CSMD2: variants seen among roughly 807,000 people sequenced by gnomAD.
The protein encoded by CSMD2 is CUB and Sushi multiple domains 2, also known as CUB and sushi domain-containing protein 2.
A neutral mutation model predicts 398.5 loss-of-function variants in CSMD2; 130 were observed. That is an observed-to-expected ratio of 0.33 (90% CI 0.28 to 0.38). The LOEUF is 0.38. Among genes scored for constraint, CSMD2 ranks in the 10% least tolerant of loss-of-function variants. The probability of loss-of-function intolerance (pLI) is 1.00; values close to 1 mark genes in which losing one functional copy is unlikely to be tolerated. For missense variants in CSMD2, 3,829 were observed against 4,764.9 expected (o/e 0.80, Z 5.78); for synonymous variants, 1,828 against 1,908.5 (o/e 0.96, Z 1.10).
rs1328708416 is a variant in CSMD2 at position 33,935,967 on chromosome 1, A to T, written c.518-13T>A. On this transcript the variant is annotated splice_polypyrimidine_tract_variant and intron_variant, in intron 3 of 70. Coordinates refer to ENST00000373381, the MANE Select transcript of CSMD2 (RefSeq NM_001281956.2). ...TGGCTGGGGAGAACTGTGAGGAGAA[A>T]CAGAGAAAGAGACGGGTACCCCGTG... The T allele has an allele frequency of 3.1e-6, 5 of 1,598,002 alleles. No individual in the cohort carries two copies.
chr1:33,811,797 C>T (rs533317112), intron 9 of CSMD2, among the ~76,000 whole-genome samples: 8 of 152,310 alleles, frequency 5.3e-5, no homozygotes, highest in East Asian at 3.9e-4. Context: ...CATTCTTTAA[C>T]GTTAGTGTTC....
intron 36 of CSMD2, among the ~76,000 whole-genome samples, chr1:33,622,888 T>C (rs1413534283): frequency 1.3e-5 from 2 of 152,262 alleles, no homozygotes; most frequent in East Asian, 3.9e-4. Flanking sequence ...TGCATGAGCA[T>C]TATTCATAAC....
At chr1:33,730,872 T>A (rs983445924) in intron 15 of CSMD2, among the ~76,000 whole-genome samples, 1 of 152,198 alleles carries the variant, frequency 6.6e-6, no homozygotes, top group African/African-American at 2.4e-5. Flanking sequence ...AACTGTTTCC[T>A]AGCTGTGTTC....
chr1:33,714,031 G>C (rs1249604850), intron 21 of CSMD2, among the ~76,000 whole-genome samples: 2 of 152,194 alleles, frequency 1.3e-5, no homozygotes, highest in Non-Finnish European at 2.9e-5. Context: ...GCAGATGCCT[G>C]AGATGTAGTG....
chr1:33,689,265 T>A (rs566751338), intron 25 of CSMD2, among the ~76,000 whole-genome samples: 1 of 152,318 alleles, frequency 6.6e-6, no homozygotes. Context: ...TCTCCATCTT[T>A]CTGCAGCTCT....
intron 60 of CSMD2, among the ~76,000 whole-genome samples, chr1:33,540,263 T>TA (rs138481254): frequency 0.27 from 39,705 of 145,848 alleles, 5,375 homozygotes; most frequent in East Asian, 0.36. Flanking sequence ...ACCCTTCAGG[T>TA]AAAAAAAAAA....
chr1:33,933,629 G>A (rs1205305199), intron 4 of CSMD2, among the ~76,000 whole-genome samples: 1 of 152,140 alleles, frequency 6.6e-6, no homozygotes, highest in Non-Finnish European at 1.5e-5. Context: ...GGCAGGGGGT[G>A]GGTAAGGATG....
intron 1 of CSMD2, among the ~76,000 whole-genome samples, chr1:34,134,328 T>G (rs780285778): frequency 6.6e-6 from 1 of 152,184 alleles, no homozygotes; most frequent in Non-Finnish European, 1.5e-5. Context: ...CTGACAGGCC[T>G]AGGGGATAAA....
chr1:33,935,400 G>A (rs1008595911), intron 4 of CSMD2, among the ~76,000 whole-genome samples: 2 of 152,158 alleles, frequency 1.3e-5, no homozygotes, highest in Non-Finnish European at 2.9e-5. Context: ...AGGTCAGTAC[G>A]AAAGCTGTTG....
At chr1:33,970,567 A>C (rs965659936) in intron 3 of CSMD2, among the ~76,000 whole-genome samples, 2 of 152,178 alleles carry the variant, frequency 1.3e-5, no homozygotes, top group Non-Finnish European at 2.9e-5. Context: ...CTGGCAGGAA[A>C]GATCAGATGC....
At chr1:33,612,329 G>A (rs1439814648) in intron 40 of CSMD2, among the ~76,000 whole-genome samples, 1 of 152,162 alleles carries the variant, frequency 6.6e-6, no homozygotes, top group Non-Finnish European at 1.5e-5. Flanking sequence ...ATAAAGACTC[G>A]ACACTTAATG....
chr1:33,652,942 A>G (rs1193516613), intron 27 of CSMD2, among the ~76,000 whole-genome samples: 1 of 152,058 alleles, frequency 6.6e-6, no homozygotes, highest in Non-Finnish European at 1.5e-5. Flanking sequence ...TATTTTTAGT[A>G]GATACAGGGT....
At chr1:33,524,745 A>G (rs945519248) in intron 66 of CSMD2, 137 bp downstream of exon 66, 6 of 768,966 alleles carry the variant, frequency 7.8e-6, no homozygotes, top group Non-Finnish European at 1.2e-5. Flanking sequence ...AAAGATGAAT[A>G]GACACTTCCT....
intron 1 of CSMD2, among the ~76,000 whole-genome samples, chr1:34,147,943 C>G (rs1639936259): frequency 6.6e-6 from 1 of 152,076 alleles, no homozygotes; most frequent in Non-Finnish European, 1.5e-5. Context: ...ATGAGAATGG[C>G]CCCAGGACAG....
chr1:33,732,183 A>G (rs552650197), intron 15 of CSMD2, among the ~76,000 whole-genome samples: 1 of 152,352 alleles, frequency 6.6e-6, no homozygotes, highest in Non-Finnish European at 1.5e-5. Context: ...TCTCTTGAAC[A>G]GGGAGAAGAG....
chr1:33,971,779 G>C (rs1314422152), intron 3 of CSMD2, among the ~76,000 whole-genome samples: 1 of 152,176 alleles, frequency 6.6e-6, no homozygotes, highest in Non-Finnish European at 1.5e-5. Flanking sequence ...AATTCTACCT[G>C]ACTTCACCCT....
At chr1:33,587,854 A>G (rs1639189501) in intron 44 of CSMD2, among the ~76,000 whole-genome samples, 1 of 152,192 alleles carries the variant, frequency 6.6e-6, no homozygotes, top group Admixed American at 6.5e-5. Context: ...CCTGGCTTTT[A>G]TTACTAACAC....
intron 3 of CSMD2, among the ~76,000 whole-genome samples, chr1:33,955,773 G>A (rs975554501): frequency 1.1e-5 from 1 of 93,004 alleles, no homozygotes; most frequent in Non-Finnish European, 2.5e-5. Flanking sequence ...CATTTCTATT[G>A]GGTTGCTTTG....
chr1:33,905,515 C>G (rs1643034720), intron 5 of CSMD2, among the ~76,000 whole-genome samples: 1 of 152,156 alleles, frequency 6.6e-6, no homozygotes, highest in Non-Finnish European at 1.5e-5. Context: ...TTAGCAAGGT[C>G]AGTTTTAGTG....
Sources: gnomAD v4.1 joint callset for allele counts (sites outside exome capture counted in the v4.1 genomes callset) on GRCh38, gnomAD v4.1.1 for gene constraint, MANE v1.5 for transcripts, NCBI Gene and HGNC (gene_info 2026-07-23, HGNC 2026-07-21) for gene names.